Variants in PFKFB2 observed in about 807,000 individuals in gnomAD.
PFKFB2 encodes 6-phosphofructo-2-kinase/fructose-2,6-biphosphatase 2, also known as 6-phosphofructo-2-kinase/fructose-2,6-bisphosphatase 2.
In PFKFB2, 53 loss-of-function variants were observed where a neutral mutation model predicts 68.0. That is an observed-to-expected ratio of 0.78 (90% CI 0.63 to 0.98). The LOEUF (loss-of-function observed/expected upper bound fraction) is 0.98, where lower values mean the gene tolerates loss of function less well. Ranked by LOEUF, PFKFB2 falls within the 50% of genes least tolerant of loss-of-function variation. The pLI is 0.00. For missense variants in PFKFB2, 451 were observed against 642.0 expected, an observed-to-expected ratio of 0.70 and a Z score of 3.22; for synonymous variants, 222 against 227.6, an observed-to-expected ratio of 0.98 and a Z score of 0.22.
chr1:207,061,055 A>G (rs978904777), intron 2 of PFKFB2: 12 of 93,298 alleles, frequency 1.3e-4, no homozygotes, highest in Non-Finnish European at 2.7e-4. Flanking sequence ...TATATATTTT[A>G]TATATATCTT....
chr1:207,047,945 A>T (rs1044658455), intron 2 of PFKFB2: 1 of 152,218 alleles, frequency 6.6e-6, no homozygotes, highest in Non-Finnish European at 1.5e-5. Flanking sequence ...CTAGCACAAA[A>T]GCAAACACTC....
chr1:207,065,034 A>G lies in PFKFB2; in HGVS notation c.508-2A>G. On this transcript the variant is annotated splice_acceptor_variant, in intron 7 of 14. Coordinates refer to ENST00000367080, the MANE Select transcript of PFKFB2 (RefSeq NM_006212.2). LOFTEE classifies it high-confidence loss of function. ...GGCCTTTACTGGTTCCTATGATTTCAGGAGGTTAAGGTATCAAGCCCTGAC... is the reference window on the plus strand; with the variant it reads ...GGCCTTTACTGGTTCCTATGATTTCGGGAGGTTAAGGTATCAAGCCCTGAC... The G allele has an allele frequency of 6.2e-7, 1 of 1,613,568 alleles. No homozygotes were observed. Among genetic ancestry groups the G allele is most frequent in the Non-Finnish European group, 8.5e-7 (1 of 1,179,738 alleles).
intron 1 of PFKFB2, among the ~76,000 whole-genome samples, chr1:207,040,143 G>C (rs1215074449): frequency 6.6e-6 from 1 of 152,196 alleles, no homozygotes; most frequent in Non-Finnish European, 1.5e-5. Flanking sequence ...CACTCAGTGA[G>C]ATAGGTAAGG....
intron 1 of PFKFB2, among the ~76,000 whole-genome samples, chr1:207,038,370 C>T (rs373466659): frequency 1.1e-3 from 163 of 152,166 alleles, no homozygotes; most frequent in African/African-American, 3.8e-3. Flanking sequence ...AATATGAATT[C>T]GAGGAAATGC....
At chr1:207,078,824 C>T, downstream of PFKFB2, 2 of 739,560 alleles carry the variant, frequency 2.7e-6, no homozygotes, top group Non-Finnish European at 4.8e-6. Flanking sequence ...TGTGTTCATG[C>T]ATGTGTATGG....
chr1:207,078,949 C>G, downstream of PFKFB2: 3 of 1,611,446 alleles, frequency 1.9e-6, no homozygotes, highest in Non-Finnish European at 2.5e-6. Flanking sequence ...CTCTCTGGCT[C>G]GTAGGCAGCA....
upstream of PFKFB2, among the ~76,000 whole-genome samples, chr1:207,049,884 G>C (rs1025272278): frequency 6.6e-6 from 1 of 152,158 alleles, no homozygotes; most frequent in African/African-American, 2.4e-5. Flanking sequence ...AAGAATCTTT[G>C]TTCACTGAAT....
chr1:207,045,401 G>T (rs1682575101), intron 2 of PFKFB2: 1 of 152,442 alleles, frequency 6.6e-6, no homozygotes. Context: ...ACTCTACACT[G>T]ATGGCAATCT....
chr1:207,063,724 C>T lies in PFKFB2; in HGVS notation c.451-49C>T. 3 of 1,494,942 alleles carry T rather than the reference C, an allele frequency of 2.0e-6. No individual in the cohort carries two copies. Among genetic ancestry groups the T allele is most frequent in the Non-Finnish European group, 2.8e-6 (3 of 1,071,114 alleles). The allele number at this position is 1,494,942 out of a possible 1,614,324, so 92.6% of individuals were successfully genotyped here. A position where few individuals can be genotyped will look rare whatever the true frequency, so the allele number is the denominator to read the frequency against. On this transcript the variant is annotated intron_variant, in intron 6 of 14. Transcript: ENST00000367080. The surrounding 1 kb of genome is among the most constrained non-coding windows in gnomAD (Gnocchi z 4.1). ...TAGATGAGCATGTGCTCTTAATTAA[C>T]AGCCTGGCATTTTTGACTTGCTTAT...
chr1:207,080,156 G>T (rs757843196), downstream of PFKFB2: 1 of 152,176 alleles, frequency 6.6e-6, no homozygotes, highest in African/African-American at 2.4e-5. Context: ...CTGTAAATGT[G>T]GTTTTGACAT....
chr1:207,044,342 T>C (rs1284352454), intron 2 of PFKFB2: 2 of 152,588 alleles, frequency 1.3e-5, no homozygotes, highest in African/African-American at 4.8e-5. Flanking sequence ...ATATTTCCTG[T>C]AAACAGCTGG....
At position 207,076,128 on chromosome 1, in the gene PFKFB2, T is replaced by G; in HGVS notation, c.*3757T>G. The G allele has an allele frequency of 1.0e-6, 1 of 985,430 alleles. No individual in the cohort carries two copies. The highest frequency in any genetic ancestry group is 4.7e-5 in the South Asian group (1 of 21,290). 61.0% of individuals were successfully genotyped at this position (985,430 alleles called of 1,614,324 possible). A position where few individuals can be genotyped will look rare whatever the true frequency, so the allele number is the denominator to read the frequency against. On this transcript the variant is annotated 3_prime_UTR_variant, in exon 15 of 15. Transcript: ENST00000367080. ...TACCCCTAGACTGAATGGGTGAGTA[T>G]TCCATATGAGGATCTGGGTAATCCT...
rs1460894939 is a variant in PFKFB2 at position 207,072,755 on chromosome 1, TG to T, written c.*386del. 2 of 1,014,854 alleles carry T rather than the reference TG, an allele frequency of 2.0e-6. No individual in the cohort carries two copies. Among genetic ancestry groups the T allele is most frequent in the Non-Finnish European group, 2.4e-6 (2 of 849,650 alleles). The allele number at this position is 1,014,854 out of a possible 1,614,324, so 62.9% of individuals were successfully genotyped here. ...CTCATGTTGGTGAAGTGTTGGGGGATGGAGGGCGGGTGAGCAGTCGGGGGAC... is the reference window on the plus strand; with the variant it reads ...CTCATGTTGGTGAAGTGTTGGGGGATGAGGGCGGGTGAGCAGTCGGGGGAC... On this transcript the variant is annotated 3_prime_UTR_variant, in exon 15 of 15. Transcript: ENST00000367080.
chr1:207,044,840 G>C (rs1171530233), intron 2 of PFKFB2: 3 of 152,382 alleles, frequency 2.0e-5, no homozygotes, highest in Non-Finnish European at 2.9e-5. Flanking sequence ...CTACCATGAG[G>C]GGGTTACCAA....
rs756883233 is a variant in PFKFB2, at chr1:207,067,510, T to G, written c.644T>G (p.Phe215Cys). The change falls in exon 9 of 15, where the codon TTC becomes TGC. Residue 215 changes from phenylalanine (F) to cysteine (C), a missense_variant. Transcript: ENST00000367080. ...DPDNYDKDLS[F>C]IKVINVGQRF... ...CTTTCCTGTCCCAGGGATCTTTCTT[T>G]CATCAAGGTGATAAACGTGGGCCAG... is the stretch of plus-strand genomic sequence containing the variant. 2 of 1,612,762 alleles carry G rather than the reference T, an allele frequency of 1.2e-6. No homozygotes were observed. Among genetic ancestry groups the G allele is most frequent in the Admixed American group, 3.3e-5 (2 of 59,836 alleles).
chr1:207,044,367 C>T (rs1410581886), intron 2 of PFKFB2: 2 of 152,482 alleles, frequency 1.3e-5, no homozygotes, highest in Non-Finnish European at 2.9e-5. Context: ...CTGAATGGCA[C>T]CAATGTGACT....
chr1:207,039,287 C>T (rs1682436676), intron 1 of PFKFB2, among the ~76,000 whole-genome samples: 1 of 152,076 alleles, frequency 6.6e-6, no homozygotes, highest in Admixed American at 6.6e-5. Context: ...GTTATCAACC[C>T]CAATACAAAA....
chr1:207,050,869 C>T, upstream of PFKFB2: 1 of 1,611,304 alleles, frequency 6.2e-7, no homozygotes, highest in Non-Finnish European at 8.5e-7. Context: ...GGGTGCCGTC[C>T]TTGGCCTTGC....
At chr1:207,053,580 C>T (rs1455683738) in intron 1 of PFKFB2, among the ~76,000 whole-genome samples, 1 of 152,200 alleles carries the variant, frequency 6.6e-6, no homozygotes, top group Non-Finnish European at 1.5e-5. Context: ...GCAGGATCTT[C>T]CGTCCTCACC....
Sources: gnomAD v4.1 joint callset for allele counts (sites outside exome capture counted in the v4.1 genomes callset) on GRCh38, gnomAD v4.1.1 for gene constraint, Gnocchi (gnomAD v3.1) non-coding constraint, MANE v1.5 for transcripts, NCBI Gene and HGNC (gene_info 2026-07-23, HGNC 2026-07-21) for gene names.